UPRT: variants seen among roughly 807,000 people sequenced by gnomAD.
UPRT encodes RP11-311P8.3.
In UPRT, 5 loss-of-function variants were observed where a neutral mutation model predicts 22.6. The ratio of observed to expected loss-of-function variants is 0.22; its 90% CI spans 0.12 to 0.47. UPRT has a LOEUF of 0.47. UPRT is among the 20% of genes least tolerant of loss of function. The pLI is 0.99. For missense variants in UPRT, 181 were observed against 239.9 expected (o/e 0.75, Z 1.62); for synonymous variants, 77 against 87.7 (o/e 0.88, Z 0.68).
At chrX:75,164,176 C>CTAAATAAA (rs768965736) in intron 3 of UPRT, among the ~76,000 whole-genome samples, 24 of 110,185 alleles carry the variant, frequency 2.2e-4, no homozygotes, top group African/African-American at 5.3e-4. Flanking sequence ...GTCTCCATCT[C>CTAAATAAA]TAAATAAATA....
intron 4 of UPRT, among the ~76,000 whole-genome samples, chrX:75,232,608 C>T (rs2082442670): frequency 8.9e-6 from 1 of 112,389 alleles, no homozygotes; most frequent in African/African-American, 3.2e-5. Flanking sequence ...CAGACTGCCT[C>T]CTCAAGTGGG....
intron 1 of UPRT, among the ~76,000 whole-genome samples, chrX:75,282,892 T>C (rs1276329813): frequency 8.9e-6 from 1 of 111,974 alleles, no homozygotes; most frequent in Non-Finnish European, 1.9e-5. Flanking sequence ...CCCACTGTTA[T>C]TGTGTTGTTG....
chrX:75,253,204 T>G (rs769145178), intron 4 of UPRT, among the ~76,000 whole-genome samples: 49 of 111,145 alleles, frequency 4.4e-4, no homozygotes, highest in Non-Finnish European at 7.7e-4. Context: ...TAATAAAATT[T>G]AAAAAAAGAA....
intron 1 of UPRT, among the ~76,000 whole-genome samples, chrX:75,157,936 A>G (rs1049485250): frequency 8.9e-6 from 1 of 112,463 alleles, no homozygotes; most frequent in Non-Finnish European, 1.9e-5. Flanking sequence ...AGACAGCTAC[A>G]GTATACATTA....
chrX:75,186,760 C>A (rs1317531722), intron 4 of UPRT, among the ~76,000 whole-genome samples: 9 of 111,874 alleles, frequency 8.0e-5, no homozygotes, highest in Non-Finnish European at 3.8e-5. Flanking sequence ...TGAATTGATC[C>A]CTTTACCATT....
At chrX:75,197,348 T>G (rs911111707) in intron 4 of UPRT, among the ~76,000 whole-genome samples, 3 of 111,365 alleles carry the variant, frequency 2.7e-5, no homozygotes, top group African/African-American at 9.8e-5. Context: ...AGTTAAAAGT[T>G]ACAAAACATT....
chrX:75,187,149 A>T lies in UPRT; in HGVS notation c.-447+19270A>T, dbSNP rs765876141. Among the ~76,000 whole-genome samples, 6 of 111,997 alleles carry T rather than the reference A, an allele frequency of 5.4e-5. No individual in the cohort carries two copies. In the Admixed American group the frequency reaches 5.7e-4, roughly 11 times the overall value. The stretch of plus-strand genomic sequence containing the variant: ...TCTTTACATTTTGGCATGATTTTGC[A>T]GCAGGTGGTACCGGTTGTTTCTTTC... On this transcript the variant is annotated intron_variant, in intron 4 of 13. Coordinates refer to the UPRT transcript ENST00000652605.
At chrX:75,278,802 T>A (rs1196039561) in intron 1 of UPRT, among the ~76,000 whole-genome samples, 1 of 111,429 alleles carries the variant, frequency 9.0e-6, no homozygotes, top group Non-Finnish European at 1.9e-5. Flanking sequence ...GTATGTGACA[T>A]AGGACAAAAA....
intron 4 of UPRT, among the ~76,000 whole-genome samples, chrX:75,233,572 A>G (rs905933767): frequency 2.7e-5 from 3 of 111,208 alleles, no homozygotes; most frequent in African/African-American, 9.8e-5. Context: ...AGACCATCAG[A>G]CTAACAGCGG....
chrX:75,262,952 G>T lies in UPRT; in HGVS notation c.-446-28072G>T, dbSNP rs1031543666. On this transcript the variant is annotated intron_variant, in intron 4 of 13. Transcript: ENST00000652605. ...CTTGAACTCAGCTCTGGACCAAGCA[G>T]ACCTAATACACATCTACAGAACCCT... Among the ~76,000 whole-genome samples the T allele has an allele frequency of 4.5e-5, 5 of 111,249 alleles. No individual in the cohort carries two copies. In the Admixed American group the frequency reaches 4.8e-4, roughly 11 times the overall value.
At chrX:75,158,115 CCAA>C (rs1411607366) in intron 1 of UPRT, among the ~76,000 whole-genome samples, 1 of 111,655 alleles carries the variant, frequency 9.0e-6, no homozygotes, top group Non-Finnish European at 1.9e-5. Context: ...ATTGAAATAC[CCAA>C]GTTGTTACTC....
chrX:75,231,100 G>T (rs1381639828), intron 4 of UPRT, among the ~76,000 whole-genome samples: 2 of 111,453 alleles, frequency 1.8e-5, no homozygotes, highest in African/African-American at 6.5e-5. Flanking sequence ...AAACCAAGAA[G>T]AACTCTCTGA....
chrX:75,300,835 T>C (rs1454397711), intron 5 of UPRT, 32 bp from the exon 6 acceptor site: 1 of 1,092,353 alleles, frequency 9.2e-7, no homozygotes. Flanking sequence ...ATGTTAAGGT[T>C]GCTAATTCAT....
chrX:75,265,984 G>A (rs1195316818), intron 4 of UPRT, among the ~76,000 whole-genome samples: 1 of 111,327 alleles, frequency 9.0e-6, no homozygotes, highest in African/African-American at 3.3e-5. Context: ...TGGGTAGGAA[G>A]AATCAATATT....
At chrX:75,294,658 A>G in intron 2 of UPRT, 1 of 913,708 alleles carries the variant, frequency 1.1e-6, no homozygotes, top group South Asian at 2.3e-5. Context: ...TTTATTTAAA[A>G]TTATTTGAGT....
At chrX:75,300,842 T>C (rs762663871) in intron 5 of UPRT, 25 bp from the exon 6 acceptor site, 1 of 1,131,467 alleles carries the variant, frequency 8.8e-7, no homozygotes, top group Non-Finnish European at 1.2e-6. Flanking sequence ...GGTTGCTAAT[T>C]CATTTGGTTA....
rs5938014 is a variant in UPRT, at chrX:75,294,621, G to A, written c.429+1107G>A. 30,822 of 977,367 alleles carry A rather than the reference G, an allele frequency of 0.032. 464 individuals carry two copies. Among genetic ancestry groups the A allele is most frequent in the South Asian group, 0.12 (5,643 of 48,993 alleles). The allele number at this position is 977,367 out of a possible 1,213,427, so 80.5% of individuals were successfully genotyped here. On this transcript the variant is annotated intron_variant, in intron 2 of 6. Transcript: ENST00000373383. ...GACAACTCCTGTTCTGCTTTTCATC[G>A]TAAGTATTCTTGGTTCAGAGACCAA...
At chrX:75,271,066 A>G (rs761386171), upstream of UPRT, among the ~76,000 whole-genome samples, 66 of 111,802 alleles carry the variant, frequency 5.9e-4, no homozygotes, top group African/African-American at 2.0e-3. Context: ...GAGTAGAATC[A>G]ATATTGTGAA....
chrX:75,183,027 T>A (rs1032896778), intron 4 of UPRT, among the ~76,000 whole-genome samples: 3 of 110,780 alleles, frequency 2.7e-5, no homozygotes, highest in Non-Finnish European at 5.7e-5. Flanking sequence ...ATTTTATTTT[T>A]TTATTATTAT....
Sources: allele counts gnomAD v4.1 joint callset (sites outside exome capture counted in the v4.1 genomes callset), GRCh38; gene constraint gnomAD v4.1.1; transcripts MANE v1.5; gene names NCBI Gene and HGNC (gene_info 2026-07-23, HGNC 2026-07-21).